HSD17B4: variants seen among roughly 807,000 people sequenced by gnomAD.
HSD17B4 encodes the protein peroxisomal multifunctional enzyme type 2.
HSD17B4 carries 70 observed loss-of-function variants against 101.0 expected under a neutral mutation model. The observed-to-expected ratio is 0.69, with a 90% CI of 0.57 to 0.85. The LOEUF is 0.85. Among genes scored for constraint, HSD17B4 ranks in the 40% least tolerant of loss-of-function variants. HSD17B4 has a pLI of 0.00. For synonymous variants in HSD17B4, 347 were observed against 297.1 expected (o/e 1.17, Z -1.73); for missense variants, 984 against 892.4 (o/e 1.10, Z -1.31).
At chr5:119,479,638 C>G (rs1202699748) in intron 8 of HSD17B4, among the ~76,000 whole-genome samples, 3 of 152,142 alleles carry the variant, frequency 2.0e-5, no homozygotes, top group Non-Finnish European at 1.5e-5. Flanking sequence ...TTTGTCTCTC[C>G]CCTTTTCTTC....
At chr5:119,469,908 G>A (rs1487533198) in intron 2 of HSD17B4, among the ~76,000 whole-genome samples, 1 of 152,112 alleles carries the variant, frequency 6.6e-6, no homozygotes, top group East Asian at 1.9e-4. Context: ...TGGAGACAGT[G>A]GCATGGTTTT....
intron 8 of HSD17B4, among the ~76,000 whole-genome samples, chr5:119,484,531 C>G (rs1190150629): frequency 1.3e-5 from 2 of 152,044 alleles, no homozygotes; most frequent in East Asian, 3.8e-4. Context: ...TAATAGTTGA[C>G]TATGGAGAAC....
At chr5:119,489,108 C>G in intron 8 of HSD17B4, 84 bp from the exon 9 acceptor site, 1 of 927,784 alleles carries the variant, frequency 1.1e-6, no homozygotes, top group Admixed American at 1.8e-5. Context: ...TTTTAAAGGT[C>G]TCTGAATTAC....
intron 8 of HSD17B4, among the ~76,000 whole-genome samples, chr5:119,488,340 A>G (rs888065785): frequency 2.6e-5 from 4 of 152,148 alleles, no homozygotes; most frequent in African/African-American, 9.7e-5. Context: ...ACTCACAGAA[A>G]AGGTGCAGTG....
intron 2 of HSD17B4, among the ~76,000 whole-genome samples, chr5:119,473,096 A>T (rs1323397740): frequency 6.6e-6 from 1 of 152,202 alleles, no homozygotes; most frequent in South Asian, 2.1e-4. Flanking sequence ...TTGGAGTGCT[A>T]ATATCCTTTG....
chr5:119,482,358 A>G (rs1749218033), intron 8 of HSD17B4, among the ~76,000 whole-genome samples: 1 of 151,708 alleles, frequency 6.6e-6, no homozygotes, highest in African/African-American at 2.4e-5. Flanking sequence ...GTTCTTGTGT[A>G]TTATCCACTT....
chr5:119,456,547 G>C (rs1754688369), intron 2 of HSD17B4, 179 bp downstream of exon 2: 1 of 603,892 alleles, frequency 1.7e-6, no homozygotes, highest in Non-Finnish European at 2.9e-6. Context: ...TTTTAAAAGG[G>C]AACCAGTTTC....
intron 2 of HSD17B4, among the ~76,000 whole-genome samples, chr5:119,460,775 T>C (rs1755148639): frequency 6.6e-6 from 1 of 152,070 alleles, no homozygotes; most frequent in Non-Finnish European, 1.5e-5. Flanking sequence ...GAAATACATA[T>C]GTAAAAATAT....
intron 13 of HSD17B4, among the ~76,000 whole-genome samples, chr5:119,501,806 G>A (rs1333920702): frequency 6.6e-6 from 1 of 152,098 alleles, no homozygotes; most frequent in Non-Finnish European, 1.5e-5. Context: ...CTTTATGAAC[G>A]CCAAGAAAGA....
intron 10 of HSD17B4, 22 bp from the exon 11 acceptor site, chr5:119,493,796 T>C: frequency 1.9e-6 from 3 of 1,609,208 alleles, no homozygotes; most frequent in African/African-American, 1.3e-5. Flanking sequence ...GCTCAGTATG[T>C]TAGTTTTGTT....
At chr5:119,458,166 A>T (rs1317542274) in intron 2 of HSD17B4, among the ~76,000 whole-genome samples, 2 of 152,220 alleles carry the variant, frequency 1.3e-5, no homozygotes, top group Non-Finnish European at 2.9e-5. Flanking sequence ...AAAATATTTC[A>T]TAAACTTGAA....
At chr5:119,521,919 G>GTT (rs1168350157) in intron 17 of HSD17B4, among the ~76,000 whole-genome samples, 3 of 142,060 alleles carry the variant, frequency 2.1e-5, no homozygotes. Context: ...TTCAGTTTTG[G>GTT]TTTTTTTTTT....
At chr5:119,490,873 A>T (rs957020273) in intron 9 of HSD17B4, among the ~76,000 whole-genome samples, 4 of 152,144 alleles carry the variant, frequency 2.6e-5, no homozygotes, top group Admixed American at 6.6e-5. Context: ...TGGCCTAGAT[A>T]GGCGTTTTAT....
chr5:119,527,173 A>G lies in HSD17B4; in HGVS notation c.1721A>G (p.Gln574Arg). ...AKPVYPGQTL[Q>R]TEMWKEGNRI... ...CCAGTATATCCAGGACAAACTCTACAAACTGAGATGTGGAAGGAAGGAAAC... is the reference window on the plus strand; with the variant it reads ...CCAGTATATCCAGGACAAACTCTACGAACTGAGATGTGGAAGGAAGGAAAC... The change falls in exon 20 of 24, where the codon CAA becomes CGA. Residue 574 changes from glutamine to arginine, a missense_variant. By Grantham distance (43) the Gln-to-Arg change is conservative. Coordinates refer to ENST00000510025, the MANE Select transcript of HSD17B4 (RefSeq NM_000414.4). 6.2e-7 allele frequency: 1 copy of G among 1,610,782 alleles called. No individual in the cohort carries two copies. The highest frequency in any genetic ancestry group is 8.5e-7 in the Non-Finnish European group (1 of 1,177,376).
At chr5:119,526,105 T>G in intron 19 of HSD17B4, 82 bp downstream of exon 19, 1 of 824,340 alleles carries the variant, frequency 1.2e-6, no homozygotes. Context: ...GTGATTTAAT[T>G]GAAAATAGAT....
intron 1 of HSD17B4, among the ~76,000 whole-genome samples, chr5:119,455,208 C>T (rs1398967830): frequency 2.6e-5 from 4 of 152,164 alleles, no homozygotes; most frequent in South Asian, 4.1e-4. Flanking sequence ...TCCCGAGATA[C>T]TCTATGCCTA....
chr5:119,536,408 T>A lies in HSD17B4; in HGVS notation c.1994-15T>A. On this transcript the variant is annotated splice_polypyrimidine_tract_variant and intron_variant, in intron 22 of 23. Coordinates refer to ENST00000510025, the MANE Select transcript of HSD17B4 (RefSeq NM_000414.4). ...GAGAAAAAGATACACATTGGTTTCTTCCTATTTTTCCCAGCTATTGACCTG... is the reference window on the plus strand; with the variant it reads ...GAGAAAAAGATACACATTGGTTTCTACCTATTTTTCCCAGCTATTGACCTG... 1.9e-6 allele frequency: 3 copies of A among 1,611,066 alleles called. No individual in the cohort carries two copies. The highest frequency in any genetic ancestry group is 2.5e-6 in the Non-Finnish European group (3 of 1,177,618).
intron 1 of HSD17B4, among the ~76,000 whole-genome samples, chr5:119,453,238 T>C (rs372493011): frequency 6.6e-6 from 1 of 152,098 alleles, no homozygotes; most frequent in African/African-American, 2.4e-5. Flanking sequence ...TTGGCAGAGG[T>C]TGTAAGCTCA....
intron 12 of HSD17B4, among the ~76,000 whole-genome samples, chr5:119,498,294 G>T (rs1414744355): frequency 6.6e-6 from 1 of 152,150 alleles, no homozygotes; most frequent in Non-Finnish European, 1.5e-5. Flanking sequence ...TTTTGATGAA[G>T]GGCCATATAG....
Sources: gnomAD v4.1 joint callset for allele counts (sites outside exome capture counted in the v4.1 genomes callset) on GRCh38, gnomAD v4.1.1 for gene constraint, MANE v1.5 for transcripts, NCBI Gene and HGNC (gene_info 2026-07-23, HGNC 2026-07-21) for gene names.